Variants in SUN1 observed in about 807,000 individuals in gnomAD.
The protein encoded by SUN1 is Sad1 and UNC84 domain containing 1, also known as SUN domain-containing protein 1.
In SUN1, 61 loss-of-function variants were observed where a neutral mutation model predicts 103.2. That is an observed-to-expected ratio of 0.59 (90% CI 0.48 to 0.73). The LOEUF is 0.73. Ranked by LOEUF, SUN1 falls within the 30% of genes least tolerant of loss-of-function variation. The pLI is 0.00. For missense variants in SUN1, 1,052 were observed against 1,034.6 expected (o/e 1.02, Z -0.23); for synonymous variants, 490 against 425.7 (o/e 1.15, Z -1.86).
At chr7:845,938 C>T (rs187167673) in intron 5 of SUN1, among the ~76,000 whole-genome samples, 14 of 152,120 alleles carry the variant, frequency 9.2e-5, no homozygotes, top group Admixed American at 3.9e-4. Flanking sequence ...TCAGCCTCCC[C>T]GGTGCTGCGT....
chr7:863,938 A>G (rs1211037369), intron 15 of SUN1, among the ~76,000 whole-genome samples: 1 of 152,232 alleles, frequency 6.6e-6, no homozygotes, highest in Non-Finnish European at 1.5e-5. Flanking sequence ...TTAATTAAGA[A>G]AAGGACTAGT....
chr7:826,265 G>A lies in SUN1; in HGVS notation c.-74+9592G>A, dbSNP rs191214568. Among the ~76,000 whole-genome samples the A allele has an allele frequency of 1.2e-3, 187 of 152,310 alleles. 1 individual carries two copies. Among genetic ancestry groups the A allele is most frequent in the African/African-American group, 4.4e-3 (185 of 41,584 alleles). ...CATAAGAAAGAAAGAACAAAGAAAC[G>A]AACTGCCTGATGTCAGGCTAGCTGC... On this transcript the variant is annotated intron_variant, in intron 1 of 17. Transcript: ENST00000389574.
intron 7 of SUN1, 94 bp from the exon 8 acceptor site, chr7:852,515 G>T (rs1823189004): frequency 6.8e-7 from 1 of 1,470,752 alleles, no homozygotes. Context: ...CTGGGGGGGT[G>T]GATTTTGCAC....
chr7:823,695 T>G (rs903801231), intron 1 of SUN1, among the ~76,000 whole-genome samples: 1 of 152,142 alleles, frequency 6.6e-6, no homozygotes, highest in Non-Finnish European at 1.5e-5. Context: ...TCAGGTGGTT[T>G]TCTCAAGGAT....
At chr7:864,374 C>G (rs1834593891) in intron 15 of SUN1, among the ~76,000 whole-genome samples, 1 of 151,732 alleles carries the variant, frequency 6.6e-6, no homozygotes, top group African/African-American at 2.4e-5. Flanking sequence ...ATAGAGAAAC[C>G]CCGTCTCTAC....
chr7:860,128 G>C lies in SUN1; in HGVS notation c.1525G>C (p.Val509Leu). 1 of 1,613,644 alleles carries C rather than the reference G, an allele frequency of 6.2e-7. No individual in the cohort carries two copies. ...CETVDAVQERVDVQVREMVKL... is the reference protein window; with the variant it reads ...CETVDAVQERLDVQVREMVKL... ...TTGTGTCCGTCTGCTGTTTTACTAG[G>C]TGGACGTGCAAGTCAGAGAAATGGT... The change falls in exon 14 of 19, where the codon GTG (valine) becomes CTG (leucine). Residue 509 changes from valine to leucine, a missense_variant and splice_region_variant. Around this residue, in one of 2 missense-constraint regions of SUN1, gnomAD observed 846 missense variants for 774.5 expected, o/e 1.09. Coordinates refer to ENST00000401592, the MANE Select transcript of SUN1 (RefSeq NM_001130965.3).
chr7:821,719 G>A (rs1786222839), intron 1 of SUN1, among the ~76,000 whole-genome samples: 2 of 152,154 alleles, frequency 1.3e-5, no homozygotes, highest in Admixed American at 1.3e-4. Context: ...TTCAGGGTGA[G>A]GTGAGAGTCC....
chr7:860,003 T>C, intron 13 of SUN1, 125 bp from the exon 14 acceptor site: 1 of 1,261,586 alleles, frequency 7.9e-7, no homozygotes, highest in Non-Finnish European at 1.1e-6. Context: ...GAAAACACTG[T>C]CACAATGACA....
At chr7:824,116 C>T (rs560572739) in intron 1 of SUN1, among the ~76,000 whole-genome samples, 9 of 152,256 alleles carry the variant, frequency 5.9e-5, no homozygotes, top group East Asian at 1.9e-4. Context: ...AAGTTAAGGA[C>T]GGGAGTATCC....
chr7:854,008 C>T (rs946153502), intron 10 of SUN1, among the ~76,000 whole-genome samples: 9 of 152,100 alleles, frequency 5.9e-5, no homozygotes, highest in African/African-American at 2.2e-4. Context: ...TCGTGTGGGT[C>T]CCAGACGCAC....
chr7:856,500 T>G (rs2128427359), intron 12 of SUN1, 99 bp downstream of exon 12: 4 of 1,390,068 alleles, frequency 2.9e-6, no homozygotes, highest in Non-Finnish European at 4.1e-6. Context: ...GGGGCCGGCC[T>G]CCCCCGAGGG....
intron 14 of SUN1, among the ~76,000 whole-genome samples, chr7:860,753 GAC>G (rs908062095): frequency 1.3e-5 from 2 of 152,230 alleles, no homozygotes; most frequent in African/African-American, 4.8e-5. Context: ...AAGGATCATT[GAC>G]TCACAGTTGC....
chr7:816,078 TC>T, upstream of SUN1: 1 of 75,222 alleles, frequency 1.3e-5, no homozygotes, highest in South Asian at 1.4e-4. Context: ...GCGGACGCCC[TC>T]CCCCAGATGC....
At position 853,428 on chromosome 7, in the gene SUN1, C is replaced by CGTG. The variant is rs1197771464; in HGVS notation, c.1075_1077dup (p.Trp359dup). Reference sequence around the variant, plus strand: ...TTTCAGGGTGACAGTGAGGCTTTTCCGTGGCATTGGATGAGTGGCGTGGAG... The same window carrying CGTG: ...TTTCAGGGTGACAGTGAGGCTTTTCCGTGGTGGCATTGGATGAGTGGCGTGGAG... On this transcript the variant is annotated inframe_insertion, in exon 10 of 19. Coordinates refer to ENST00000401592, the MANE Select transcript of SUN1 (RefSeq NM_001130965.3). 6.2e-7 allele frequency: 1 copy of CGTG among 1,613,702 alleles called. No homozygotes were observed. The highest frequency in any genetic ancestry group is 8.5e-7 in the Non-Finnish European group (1 of 1,180,048).
chr7:867,254 G>C (rs779826529), intron 16 of SUN1, among the ~76,000 whole-genome samples: 23 of 152,392 alleles, frequency 1.5e-4, no homozygotes, highest in Non-Finnish European at 2.9e-4. Flanking sequence ...CCTCACTGCA[G>C]GCAGACGCAG....
At chr7:859,592 G>A (rs1464454023) in intron 13 of SUN1, among the ~76,000 whole-genome samples, 41 of 152,218 alleles carry the variant, frequency 2.7e-4, no homozygotes, top group Admixed American at 2.7e-3. Flanking sequence ...GGGCAGCTGT[G>A]ATGAACGGTC....
intron 1 of SUN1, among the ~76,000 whole-genome samples, chr7:833,973 A>G (rs114204123): frequency 0.012 from 1,784 of 152,346 alleles, 48 homozygotes; most frequent in African/African-American, 0.041. Context: ...TTTCACTGAA[A>G]TTCACAGCCT....
At chr7:836,040 A>G (rs1229992444) in intron 1 of SUN1, among the ~76,000 whole-genome samples, 3 of 152,270 alleles carry the variant, frequency 2.0e-5, no homozygotes. Flanking sequence ...AAGCCGCTTC[A>G]GAGCCTCCAC....
chr7:836,288 C>T lies in SUN1; in HGVS notation c.78-2510C>T, dbSNP rs184859336. On this transcript the variant is annotated intron_variant, in intron 1 of 18. Transcript: ENST00000401592. ...CCATCCAGAGCACGCAGGCTTGGCT[C>T]GGGATTACTTTTCCATCGCAGCAGG... 5.3e-5 allele frequency among the ~76,000 whole-genome samples: 8 copies of T among 152,210 alleles called. No individual in the cohort carries two copies. The East Asian group carries it at 5.8e-4, about 11-fold the overall frequency.
Sources: allele counts gnomAD v4.1 joint callset (sites outside exome capture counted in the v4.1 genomes callset), GRCh38; gene constraint gnomAD v4.1.1; regional missense constraint gnomAD v4.1.1; transcripts MANE v1.5; gene names NCBI Gene and HGNC (gene_info 2026-07-23, HGNC 2026-07-21).